Variants in MACROD2 observed in about 807,000 individuals in gnomAD.
The protein encoded by MACROD2 is mono-ADP ribosylhydrolase 2.
MACROD2 carries 36 observed loss-of-function variants against 70.4 expected under a neutral mutation model. The observed-to-expected ratio is 0.51, with a 90% CI of 0.39 to 0.68. MACROD2 has a LOEUF of 0.68. MACROD2 is among the 30% of genes least tolerant of loss of function. The pLI, the probability that MACROD2 is intolerant of heterozygous loss-of-function variation, is 0.00. For missense variants in MACROD2, 496 were observed against 538.4 expected (o/e 0.92, Z 0.78); for synonymous variants, 172 against 178.8 (o/e 0.96, Z 0.30).
intron 5 of MACROD2, among the ~76,000 whole-genome samples, chr20:14,764,722 G>A (rs550566782): frequency 6.6e-6 from 1 of 152,278 alleles, no homozygotes; most frequent in South Asian, 2.1e-4. Flanking sequence ...GCTGAGCTTA[G>A]AAGGGGAAGA....
chr20:15,069,899 G>A (rs1248465916), intron 5 of MACROD2, among the ~76,000 whole-genome samples: 1 of 152,170 alleles, frequency 6.6e-6, no homozygotes, highest in Non-Finnish European at 1.5e-5. Flanking sequence ...TCCCCACTGG[G>A]GCACTGCCTA....
intron 7 of MACROD2, among the ~76,000 whole-genome samples, chr20:15,435,150 A>G (rs531296671): frequency 1.3e-5 from 2 of 152,288 alleles, no homozygotes; most frequent in Admixed American, 6.5e-5. Context: ...CAAAAACCAC[A>G]TGTACCCCCA....
intron 2 of MACROD2, among the ~76,000 whole-genome samples, chr20:14,079,447 A>T (rs137997738): frequency 3.2e-4 from 49 of 152,312 alleles, no homozygotes; most frequent in African/African-American, 1.0e-3. Context: ...AATATTTATC[A>T]TTCTTTAATG....
At chr20:15,518,268 A>C (rs2047598042) in intron 8 of MACROD2, among the ~76,000 whole-genome samples, 1 of 152,260 alleles carries the variant, frequency 6.6e-6, no homozygotes, top group African/African-American at 2.4e-5. Flanking sequence ...GTGAGAAATC[A>C]CTGAGATCTG....
chr20:14,424,420 C>T (rs1352565339), intron 3 of MACROD2, among the ~76,000 whole-genome samples: 1 of 152,196 alleles, frequency 6.6e-6, no homozygotes, highest in Non-Finnish European at 1.5e-5. Context: ...ACTGATACCA[C>T]TGATAATTTG....
intron 6 of MACROD2, among the ~76,000 whole-genome samples, chr20:15,285,271 A>C (rs532575913): frequency 6.6e-6 from 1 of 152,310 alleles, no homozygotes; most frequent in Admixed American, 6.5e-5. Context: ...TGTCTAATAG[A>C]AATGTAAGTG....
chr20:15,006,652 TACAC>T (rs1419660075), intron 5 of MACROD2, among the ~76,000 whole-genome samples: 5 of 152,032 alleles, frequency 3.3e-5, no homozygotes, highest in Admixed American at 6.5e-5. Flanking sequence ...CTGAAAAAAA[TACAC>T]ACAAATAAAC....
At chr20:14,418,161 T>C (rs1392048097) in intron 3 of MACROD2, among the ~76,000 whole-genome samples, 1 of 152,248 alleles carries the variant, frequency 6.6e-6, no homozygotes, top group Non-Finnish European at 1.5e-5. Context: ...TACCCTGTGA[T>C]GAACAGAATA....
chr20:14,334,780 C>A (rs1193403447), intron 3 of MACROD2, among the ~76,000 whole-genome samples: 1 of 145,638 alleles, frequency 6.9e-6, no homozygotes, highest in African/African-American at 2.5e-5. Context: ...TTGATTTAAA[C>A]AGTTATTTCT....
chr20:16,013,492 A>G (rs900403091), intron 15 of MACROD2, among the ~76,000 whole-genome samples: 4 of 152,218 alleles, frequency 2.6e-5, no homozygotes, highest in Non-Finnish European at 4.4e-5. Flanking sequence ...ACCTCAGTGC[A>G]TATCAAGGGG....
chr20:14,489,885 G>A (rs962431672), intron 3 of MACROD2, among the ~76,000 whole-genome samples: 5 of 148,408 alleles, frequency 3.4e-5, no homozygotes, highest in Admixed American at 3.4e-4. Context: ...TTAAAAGACA[G>A]AGTCTTGCTC....
At chr20:14,359,275 G>A (rs2083200808) in intron 3 of MACROD2, among the ~76,000 whole-genome samples, 1 of 152,082 alleles carries the variant, frequency 6.6e-6, no homozygotes, top group Non-Finnish European at 1.5e-5. Flanking sequence ...GAGTTCACAT[G>A]CAAAAATTAA....
chr20:14,009,412 A>C (rs558861801), intron 2 of MACROD2, among the ~76,000 whole-genome samples: 1 of 152,298 alleles, frequency 6.6e-6, no homozygotes, highest in South Asian at 2.1e-4. Context: ...AATCAAAACC[A>C]CAATGTGATA....
intron 5 of MACROD2, among the ~76,000 whole-genome samples, chr20:14,693,014 T>G (rs936619878): frequency 4.6e-5 from 7 of 152,236 alleles, no homozygotes; most frequent in African/African-American, 1.7e-4. Context: ...GTGTTTTGCA[T>G]TATTTGCCAT....
intron 5 of MACROD2, among the ~76,000 whole-genome samples, chr20:14,715,425 A>T (rs2123671955): frequency 6.6e-6 from 1 of 152,290 alleles, no homozygotes; most frequent in South Asian, 2.1e-4. Flanking sequence ...AACATTACTT[A>T]ATTTTAAATA....
At chr20:14,882,400 G>C (rs2122471260) in intron 5 of MACROD2, among the ~76,000 whole-genome samples, 1 of 152,140 alleles carries the variant, frequency 6.6e-6, no homozygotes, top group Non-Finnish European at 1.5e-5. Flanking sequence ...CTCTCAACCA[G>C]ATGTAAAAGG....
chr20:16,035,247 CAT>C (rs1443965145), intron 15 of MACROD2, among the ~76,000 whole-genome samples: 3 of 146,734 alleles, frequency 2.0e-5, no homozygotes, highest in African/African-American at 7.6e-5. Flanking sequence ...TTTATCCACT[CAT>C]TGACTGATGA....
intron 3 of MACROD2, among the ~76,000 whole-genome samples, chr20:14,135,575 C>T (rs915197071): frequency 2.0e-5 from 3 of 151,862 alleles, no homozygotes; most frequent in Non-Finnish European, 4.4e-5. Context: ...ATTGGAGAGG[C>T]TGAGGTGGGA....
intron 6 of MACROD2, among the ~76,000 whole-genome samples, chr20:15,281,772 G>C (rs1360221574): frequency 6.6e-6 from 1 of 152,168 alleles, no homozygotes; most frequent in African/African-American, 2.4e-5. Flanking sequence ...CTGGGGTCTG[G>C]AGAATGGTGG....
Sources: allele counts gnomAD v4.1 joint callset (sites outside exome capture counted in the v4.1 genomes callset), GRCh38; gene constraint gnomAD v4.1.1; transcripts MANE v1.5; gene names NCBI Gene and HGNC (gene_info 2026-07-23, HGNC 2026-07-21).